The following CNOT10 variants were observed in gnomAD, a reference collection of about 807,000 sequenced individuals.
CNOT10 encodes CCR4-NOT transcription complex, subunit 10.
A neutral mutation model predicts 94.6 loss-of-function variants in CNOT10; 30 were observed. The observed-to-expected ratio is 0.32, with a 90% CI of 0.24 to 0.43. The LOEUF is 0.43. CNOT10 is among the 20% of genes least tolerant of loss of function. CNOT10 has a pLI of 1.00. For synonymous variants in CNOT10, 289 were observed against 301.6 expected (o/e 0.96, Z 0.43); for missense variants, 759 against 877.2 (o/e 0.87, Z 1.70).
At chr3:32,739,494 A>G (rs1467967442) in intron 13 of CNOT10, among the ~76,000 whole-genome samples, 1 of 151,622 alleles carries the variant, frequency 6.6e-6, no homozygotes, top group African/African-American at 2.4e-5. Flanking sequence ...GTTATGTTTT[A>G]TTTGTTTATT....
intron 13 of CNOT10, among the ~76,000 whole-genome samples, chr3:32,755,301 T>TTTTTTC (rs1288969587): frequency 2.9e-4 from 43 of 149,418 alleles, no homozygotes; most frequent in South Asian, 4.2e-4. Flanking sequence ...TTTTATTTTC[T>TTTTTTC]TTTTTCTTTT....
intron 18 of CNOT10, 45 bp from the exon 19 acceptor site, chr3:32,773,412 A>G (rs1700996282): frequency 2.6e-6 from 4 of 1,554,046 alleles, no homozygotes; most frequent in East Asian, 2.3e-5. Flanking sequence ...TGTGTGTGGC[A>G]GTATTGTTCT....
chr3:32,734,649 T>C (rs975210662), intron 11 of CNOT10, 151 bp from the exon 12 acceptor site: 7 of 596,254 alleles, frequency 1.2e-5, no homozygotes, highest in African/African-American at 1.9e-5. Context: ...TTGGGTTCTT[T>C]AGCATGCTTT....
intron 1 of CNOT10, among the ~76,000 whole-genome samples, chr3:32,692,855 G>A (rs1467484445): frequency 2.6e-5 from 4 of 152,120 alleles, no homozygotes; most frequent in Admixed American, 1.3e-4. Flanking sequence ...AGAGCAGCCT[G>A]GGCAACATGA....
At chr3:32,773,434 T>C (rs1700996649) in intron 18 of CNOT10, 23 bp from the exon 19 acceptor site, 2 of 1,600,858 alleles carry the variant, frequency 1.2e-6, no homozygotes, top group Non-Finnish European at 8.5e-7. Flanking sequence ...TGCTTTGTTT[T>C]TTAACGGGAA....
intron 14 of CNOT10, among the ~76,000 whole-genome samples, chr3:32,761,932 C>T (rs1265500196): frequency 6.6e-6 from 1 of 151,186 alleles, no homozygotes; most frequent in Non-Finnish European, 1.5e-5. Context: ...ACCACCACGC[C>T]CGGCTAATTT....
intron 13 of CNOT10, among the ~76,000 whole-genome samples, chr3:32,745,653 G>A (rs1575279132): frequency 6.6e-6 from 1 of 152,222 alleles, no homozygotes; most frequent in East Asian, 1.9e-4. Context: ...TAGAAGAATG[G>A]ATAACTAAGT....
chr3:32,719,454 C>G lies in CNOT10; in HGVS notation c.745-660C>G, dbSNP rs555008463. On this transcript the variant is annotated intron_variant, in intron 7 of 18. Transcript: ENST00000328834. ...ATCACTCAATCAGGATTCCAGATGTCCTCCTGGATGGATGTTGAGTCTCCA... is the reference window on the plus strand; with the variant it reads ...ATCACTCAATCAGGATTCCAGATGTGCTCCTGGATGGATGTTGAGTCTCCA... Among the ~76,000 whole-genome samples the G allele has an allele frequency of 1.1e-4, 16 of 152,230 alleles. No homozygotes were observed. The South Asian group carries it at 3.3e-3, about 32-fold the overall frequency.
intron 6 of CNOT10, 39 bp downstream of exon 6, chr3:32,716,350 A>G: frequency 2.0e-6 from 2 of 986,504 alleles, no homozygotes; most frequent in Non-Finnish European, 3.2e-6. Context: ...CATCACATAT[A>G]TTTAATTGTA....
At chr3:32,709,019 A>C (rs959129626) in intron 4 of CNOT10, among the ~76,000 whole-genome samples, 199 bp downstream of exon 4, 4 of 152,236 alleles carry the variant, frequency 2.6e-5, no homozygotes, top group Non-Finnish European at 5.9e-5. Context: ...AATTTTGAAG[A>C]TAACTGTTAA....
chr3:32,747,852 G>A (rs1044120886), intron 13 of CNOT10, among the ~76,000 whole-genome samples: 5 of 152,148 alleles, frequency 3.3e-5, no homozygotes, highest in African/African-American at 9.7e-5. Context: ...GGAGGCTGAG[G>A]CGGGAGAATT....
intron 1 of CNOT10, among the ~76,000 whole-genome samples, chr3:32,700,906 T>C (rs1697311702): frequency 6.6e-6 from 1 of 152,168 alleles, no homozygotes; most frequent in Non-Finnish European, 1.5e-5. Context: ...GAATATTCTT[T>C]GGGAGATAGT....
intron 10 of CNOT10, among the ~76,000 whole-genome samples, chr3:32,728,710 A>G (rs756542958): frequency 2.0e-5 from 3 of 152,210 alleles, no homozygotes; most frequent in Non-Finnish European, 2.9e-5. Flanking sequence ...CCAGTGAGAA[A>G]GTCATGTATG....
rs1170855571 is a variant in CNOT10, at chr3:32,734,808, A to G, written c.1346A>G (p.Gln449Arg). The change falls in exon 12 of 19, where the codon CAG (glutamine) becomes CGG (arginine). Residue 449 changes from glutamine (Q) to arginine (R), a missense_variant. Coordinates refer to ENST00000328834, the MANE Select transcript of CNOT10 (RefSeq NM_015442.3). The stretch of plus-strand genomic sequence containing the variant: ...GGTTTTGTTCTTTTAAGTGATGGGC[A>G]GTCTTCGGCCATTCCTGTAGCCAGT... ...SIQNTVYNDG[Q>R]SSAIPVASME... 6.3e-7 allele frequency: 1 copy of G among 1,598,454 alleles called. No individual in the cohort carries two copies. The highest frequency in any genetic ancestry group is 8.5e-7 in the Non-Finnish European group (1 of 1,170,820).
At chr3:32,734,293 G>C (rs1353280494) in intron 11 of CNOT10, among the ~76,000 whole-genome samples, 1 of 152,048 alleles carries the variant, frequency 6.6e-6, no homozygotes. Flanking sequence ...TTCTCTTTGG[G>C]TATATCAAAC....
intron 13 of CNOT10, chr3:32,753,311 C>G: frequency 1.0e-6 from 1 of 988,074 alleles, no homozygotes; most frequent in Admixed American, 1.7e-5. Context: ...TGTGTGGACT[C>G]ATCAGTCAAA....
intron 1 of CNOT10, among the ~76,000 whole-genome samples, chr3:32,693,008 C>T (rs1282318252): frequency 6.6e-6 from 1 of 152,178 alleles, no homozygotes; most frequent in Non-Finnish European, 1.5e-5. Flanking sequence ...CACAGCACCG[C>T]ACTCTAGCCT....
At chr3:32,738,634 T>A (rs1199733490) in intron 13 of CNOT10, among the ~76,000 whole-genome samples, 1 of 151,916 alleles carries the variant, frequency 6.6e-6, no homozygotes, top group Non-Finnish European at 1.5e-5. Flanking sequence ...GGCTAATTTT[T>A]TGTATTTTTA....
At chr3:32,753,776 T>G (rs1408133429) in intron 13 of CNOT10, 11 of 1,601,566 alleles carry the variant, frequency 6.9e-6, no homozygotes, top group Middle Eastern at 1.7e-4. Flanking sequence ...TCTGATGAAG[T>G]GAAATGTGCC....
Sources: allele counts gnomAD v4.1 joint callset (sites outside exome capture counted in the v4.1 genomes callset), GRCh38; gene constraint gnomAD v4.1.1; transcripts MANE v1.5; gene names NCBI Gene and HGNC (gene_info 2026-07-23, HGNC 2026-07-21).